EHBP1: variants seen among roughly 807,000 people sequenced by gnomAD.
EHBP1 encodes EH domain binding protein 1.
A neutral mutation model predicts 144.0 loss-of-function variants in EHBP1; 55 were observed. That is an observed-to-expected ratio of 0.38 (90% confidence interval 0.31 to 0.48). The LOEUF (loss-of-function observed/expected upper bound fraction) is 0.48. Among genes scored for constraint, EHBP1 ranks in the 20% least tolerant of loss-of-function variants. The probability of loss-of-function intolerance (pLI) is 0.98; values close to 1 mark genes in which losing one functional copy is unlikely to be tolerated. For synonymous variants in EHBP1, 469 were observed against 472.7 expected, an observed-to-expected ratio of 0.99 and a Z score of 0.10; for missense variants, 1,200 against 1,364.2, an observed-to-expected ratio of 0.88 and a Z score of 1.90.
At chr2:62,840,169 C>A (rs1017336687) in intron 7 of EHBP1, among the ~76,000 whole-genome samples, 1 of 149,734 alleles carries the variant, frequency 6.7e-6, no homozygotes, top group Non-Finnish European at 1.5e-5. Context: ...GAACAGAGCC[C>A]TCAGAAATAA....
chr2:62,988,183 C>G lies in EHBP1; in HGVS notation c.2609-2533C>G. The G allele has an allele frequency of 1.3e-5, 7 of 548,106 alleles. No homozygotes were observed. In the South Asian group the frequency reaches 1.8e-4, roughly 14 times the overall value. 34.0% of individuals were successfully genotyped at this position (548,106 alleles called of 1,614,324 possible). A position where few individuals can be genotyped will look rare whatever the true frequency, so the allele number is the denominator to read the frequency against. On this transcript the variant is annotated intron_variant, in intron 15 of 22. Coordinates refer to ENST00000431489, the MANE Select transcript of EHBP1 (RefSeq NM_001142616.3). ...AAACCATTTAGCTTAGTCCACCTTC[C>G]ATCAATTTTATGTTATTTTGTTTTA...
At chr2:62,754,310 G>A (rs1467862605) in intron 3 of EHBP1, among the ~76,000 whole-genome samples, 1 of 152,132 alleles carries the variant, frequency 6.6e-6, no homozygotes, top group African/African-American at 2.4e-5. Flanking sequence ...AACAGCAAAT[G>A]TTGCTGAACA....
rs748613727 is a variant in EHBP1, at chr2:62,979,227, G to A, written c.2500G>A (p.Ala834Thr). The change falls in exon 15 of 23, where the codon GCT becomes ACT. Residue 834 changes from alanine (A) to threonine (T), a missense_variant. Around this residue, in one of 6 missense-constraint regions of EHBP1, gnomAD observed 543 missense variants for 513.1 expected, o/e 1.06. Transcript: ENST00000431489. ...EERRRQLRER[A>T]RQLIAEARSG... ...GCGACGTCGGCAGCTGAGAGAGAGA[G>A]CTCGTCAGCTAATAGCAGAAGCTCG... 6.2e-7 allele frequency: 1 copy of A among 1,613,706 alleles called. No individual in the cohort carries two copies. The highest frequency in any genetic ancestry group is 8.5e-7 in the Non-Finnish European group (1 of 1,179,774).
At chr2:62,763,482 C>T (rs1354907884) in intron 3 of EHBP1, among the ~76,000 whole-genome samples, 2 of 152,104 alleles carry the variant, frequency 1.3e-5, no homozygotes, top group Admixed American at 6.6e-5. Flanking sequence ...AGACATGGAC[C>T]GGCACATAGA....
chr2:62,813,606 C>A (rs1381730197), intron 5 of EHBP1, among the ~76,000 whole-genome samples: 1 of 152,172 alleles, frequency 6.6e-6, no homozygotes, highest in Admixed American at 6.5e-5. Context: ...ATGAGAGCTG[C>A]TGGGTGGACT....
intron 7 of EHBP1, among the ~76,000 whole-genome samples, chr2:62,838,251 A>G (rs1056040366): frequency 4.8e-4 from 73 of 152,336 alleles, no homozygotes; most frequent in African/African-American, 1.7e-3. Flanking sequence ...CTGGGTACAT[A>G]ACGAAATGAA....
chr2:62,677,102 A>C (rs2033327175), intron 1 of EHBP1, among the ~76,000 whole-genome samples: 1 of 152,188 alleles, frequency 6.6e-6, no homozygotes, highest in South Asian at 2.1e-4. Context: ...AAGGGGAAAG[A>C]GAAAGATCAC....
intron 12 of EHBP1, among the ~76,000 whole-genome samples, chr2:62,946,532 A>G (rs1419022356): frequency 6.6e-6 from 1 of 152,196 alleles, no homozygotes; most frequent in Admixed American, 6.5e-5. Context: ...CCAATAACCC[A>G]TGTGCCCTTG....
At chr2:62,943,690 G>C (rs1167406483) in intron 11 of EHBP1, 112 bp from the exon 12 acceptor site, 1 of 537,966 alleles carries the variant, frequency 1.9e-6, no homozygotes, top group Non-Finnish European at 3.2e-6. Flanking sequence ...CTGTGAAATT[G>C]CTGGTTACTC....
Position 62,949,798 on chromosome 2 carries a change from C to G in EHBP1, c.2316+636C>G, listed in dbSNP as rs116196868. On this transcript the variant is annotated intron_variant, in intron 13 of 22. Transcript: ENST00000431489. ...AATACTGTACGGTTTTAACCTTTCT[C>G]TTACTGATGATATTAATAATTTACT... Among the ~76,000 whole-genome samples the G allele has an allele frequency of 7.0e-3, 1,070 of 152,240 alleles. 16 individuals are homozygous for G. Among genetic ancestry groups the G allele is most frequent in the African/African-American group, 0.025 (1,027 of 41,556 alleles).
intron 10 of EHBP1, among the ~76,000 whole-genome samples, chr2:62,936,691 T>A (rs2056409691): frequency 6.6e-6 from 1 of 152,000 alleles, no homozygotes; most frequent in South Asian, 2.1e-4. Flanking sequence ...AAAAAAAAAA[T>A]TTAATTATGG....
intron 19 of EHBP1, among the ~76,000 whole-genome samples, chr2:63,028,236 A>C (rs1020043761): frequency 5.9e-5 from 9 of 152,124 alleles, no homozygotes; most frequent in Non-Finnish European, 1.3e-4. Context: ...CTTTTTGTCA[A>C]TTAAATAAGT....
At chr2:62,773,674 C>G (rs2041835818) in intron 5 of EHBP1, among the ~76,000 whole-genome samples, 1 of 151,252 alleles carries the variant, frequency 6.6e-6, no homozygotes, top group Non-Finnish European at 1.5e-5. Context: ...CATGGTGAAA[C>G]CCCATCTTTA....
At chr2:62,832,185 AT>A (rs1238428079) in intron 7 of EHBP1, among the ~76,000 whole-genome samples, 1 of 152,142 alleles carries the variant, frequency 6.6e-6, no homozygotes, top group Non-Finnish European at 1.5e-5. Flanking sequence ...TGCTTTGTTT[AT>A]TTATTTCTAG....
chr2:63,009,818 A>G (rs2060196240), intron 19 of EHBP1, among the ~76,000 whole-genome samples: 4 of 151,584 alleles, frequency 2.6e-5, no homozygotes, highest in Admixed American at 6.6e-5. Context: ...TATACATACA[A>G]TGTATATATA....
At chr2:62,832,694 C>T (rs2046918327) in intron 7 of EHBP1, among the ~76,000 whole-genome samples, 1 of 151,888 alleles carries the variant, frequency 6.6e-6, no homozygotes, top group Non-Finnish European at 1.5e-5. Context: ...TGAATTGCAC[C>T]CATTTAAGAC....
intron 5 of EHBP1, among the ~76,000 whole-genome samples, chr2:62,819,072 C>G (rs1026766798): frequency 2.0e-4 from 30 of 152,068 alleles, no homozygotes; most frequent in Admixed American, 1.7e-3. Flanking sequence ...AATCATAGGC[C>G]TATATGCTCC....
At position 62,706,903 on chromosome 2, in the gene EHBP1, A is replaced by C. The variant is rs990268400; in HGVS notation, c.-289A>C. The C allele has an allele frequency of 9.5e-6, 3 of 315,484 alleles. No individual in the cohort carries two copies. The highest frequency in any genetic ancestry group is 6.3e-5 in the African/African-American group (3 of 47,530). The allele number at this position is 315,484 out of a possible 1,614,324, so 19.5% of individuals were successfully genotyped here. Reference sequence around the variant, plus strand: ...TCTTTGTTTTGCTTTTCAGCCCTCCAGAATACCCATCATATAGCCCCTGAG... The same window carrying C: ...TCTTTGTTTTGCTTTTCAGCCCTCCCGAATACCCATCATATAGCCCCTGAG... On this transcript the variant is annotated 5_prime_UTR_variant, in exon 2 of 23. Transcript: ENST00000431489.
chr2:62,980,750 G>A (rs1316046252), intron 15 of EHBP1, among the ~76,000 whole-genome samples: 1 of 151,640 alleles, frequency 6.6e-6, no homozygotes, highest in Admixed American at 6.6e-5. Flanking sequence ...AGGCCAAGGT[G>A]GGAGGATCAC....
Sources: gnomAD v4.1 joint callset for allele counts (sites outside exome capture counted in the v4.1 genomes callset) on GRCh38, gnomAD v4.1.1 for gene constraint, gnomAD v4.1.1 regional missense constraint, MANE v1.5 for transcripts, NCBI Gene and HGNC (gene_info 2026-07-23, HGNC 2026-07-21) for gene names.